The following HMCES variants were observed in gnomAD, a reference collection of about 807,000 sequenced individuals.
The protein encoded by HMCES is abasic site processing protein HMCES.
Under a neutral mutation model 35.1 loss-of-function variants are expected in HMCES, and 27 were observed. The ratio of observed to expected loss-of-function variants is 0.77; its 90% confidence interval spans 0.57 to 1.06. The LOEUF (loss-of-function observed/expected upper bound fraction) is 1.06, where lower values mean the gene tolerates loss of function less well. HMCES is among the 50% of genes least tolerant of loss of function. The pLI is 0.00. For synonymous variants in HMCES, 130 were observed against 154.7 expected (o/e 0.84, Z 1.18); for missense variants, 391 against 430.4 (o/e 0.91, Z 0.81).
intron 3 of HMCES, 107 bp from the exon 4 acceptor site, chr3:129,290,571 AC>A: frequency 8.2e-7 from 1 of 1,219,056 alleles, no homozygotes; most frequent in Non-Finnish European, 1.2e-6. Flanking sequence ...GCCGTGAGCC[AC>A]CCGCCTGGCC....
intron 5 of HMCES, among the ~76,000 whole-genome samples, chr3:129,299,620 A>G (rs1195414288): frequency 7.6e-6 from 1 of 132,424 alleles, no homozygotes; most frequent in East Asian, 2.3e-4. Context: ...TTATTTATAT[A>G]TTTTTTGTAT....
Position 129,298,487 on chromosome 3 carries a change from C to G in HMCES, c.587C>G (p.Thr196Ser), listed in dbSNP as rs778125867. The G allele has an allele frequency of 1.2e-6, 2 of 1,614,128 alleles. No individual in the cohort carries two copies. Among genetic ancestry groups the G allele is most frequent in the Non-Finnish European group, 1.7e-6 (2 of 1,180,018 alleles). Residue 196 changes from threonine (T) to serine (S), a missense_variant, in exon 5 of 7, where the codon ACC becomes AGC. Transcript: ENST00000383463. ...PEGGDVLYSY[T>S]IITVDSCKGL... The stretch of plus-strand genomic sequence containing the variant: ...GGAGGAGATGTCCTGTATTCCTATA[C>G]CATCATCACAGTGGATTCCTGCAAA...
intron 4 of HMCES, among the ~76,000 whole-genome samples, chr3:129,297,312 G>GTCTT (rs1482427484): frequency 6.6e-6 from 1 of 152,082 alleles, no homozygotes; most frequent in Non-Finnish European, 1.5e-5. Context: ...CTCTGACTCA[G>GTCTT]TCTTCCCCAG....
At chr3:129,301,911 G>C (rs2071173325) in intron 5 of HMCES, 39 bp from the exon 6 acceptor site, 1 of 1,522,996 alleles carries the variant, frequency 6.6e-7, no homozygotes, top group Admixed American at 1.8e-5. Context: ...TTATTCTCAT[G>C]CTACCTCTCC....
rs751798055 is a variant in HMCES, at chr3:129,304,799, G to A, written c.1039G>A (p.Val347Met). The A allele has an allele frequency of 1.2e-6, 2 of 1,614,172 alleles. No homozygotes were observed. Among genetic ancestry groups the A allele is most frequent in the Non-Finnish European group, 1.7e-6 (2 of 1,180,020 alleles). ...WLKREKEEEP[V>M]AKRPYSQ ...GAAGCGGGAGAAGGAGGAGGAACCT[G>A]TGGCCAAGCGTCCTTACAGCCAGTG... is the stretch of plus-strand genomic sequence containing the variant. The change falls in exon 7 of 7, where the codon GTG becomes ATG. Residue 347 changes from valine (V) to methionine (M), a missense_variant. Val to Met is a conservative substitution (Grantham distance 21). Coordinates refer to ENST00000383463, the MANE Select transcript of HMCES (RefSeq NM_020187.3).
Position 129,305,642 on chromosome 3 carries a change from C to T in HMCES, c.*817C>T, listed in dbSNP as rs1395105316. Reference sequence around the variant, plus strand: ...TAAGGGAGGCATTCACAAAAGCTGTCCCAAGCAGCTGGAAGAAAACAGCTT... The same window carrying T: ...TAAGGGAGGCATTCACAAAAGCTGTTCCAAGCAGCTGGAAGAAAACAGCTT... On this transcript the variant is annotated 3_prime_UTR_variant, in exon 7 of 7. Transcript: ENST00000383463. The T allele has an allele frequency of 6.6e-6, 1 of 152,204 alleles. No homozygotes were observed. The highest frequency in any genetic ancestry group is 1.5e-5 in the Non-Finnish European group (1 of 68,060). 9.4% of individuals were successfully genotyped at this position (152,204 alleles called of 1,614,324 possible). A position where few individuals can be genotyped will look rare whatever the true frequency, so the allele number is the denominator to read the frequency against.
intron 4 of HMCES, among the ~76,000 whole-genome samples, chr3:129,293,948 T>C (rs987558659): frequency 6.6e-6 from 1 of 152,218 alleles, no homozygotes; most frequent in Non-Finnish European, 1.5e-5. Context: ...AATTTGTGTT[T>C]AGAACATTTA....
At chr3:129,285,707 A>C (rs1036546332) in intron 2 of HMCES, among the ~76,000 whole-genome samples, 11 of 151,010 alleles carry the variant, frequency 7.3e-5, no homozygotes, top group Non-Finnish European at 1.2e-4. Context: ...CCTGCCTCCC[A>C]AAGTGCTAGG....
At chr3:129,288,558 G>C (rs1223848608) in intron 2 of HMCES, among the ~76,000 whole-genome samples, 4 of 91,174 alleles carry the variant, frequency 4.4e-5, no homozygotes, top group African/African-American at 1.3e-4. Flanking sequence ...AGCTGGGTAT[G>C]GGGGGGCGTG....
Position 129,302,593 on chromosome 3 carries a change from A to G in HMCES, c.828+451A>G, listed in dbSNP as rs1576995624. 1.2e-4 allele frequency among the ~76,000 whole-genome samples: 19 copies of G among 152,224 alleles called. No individual in the cohort carries two copies. In the South Asian group the frequency reaches 3.9e-3, roughly 32 times the overall value. The stretch of plus-strand genomic sequence containing the variant: ...CTGGGTGTGGTGGCCCGTCCCAAGT[A>G]GTGATCCCAGCTACTTGGGAGGCTG... On this transcript the variant is annotated intron_variant, in intron 6 of 6. Transcript: ENST00000383463.
chr3:129,298,671 C>A, intron 5 of HMCES, 136 bp downstream of exon 5: 1 of 710,736 alleles, frequency 1.4e-6, no homozygotes, highest in Non-Finnish European at 2.3e-6. Context: ...TCTAACATGA[C>A]ATACATTCCT....
At chr3:129,289,410 T>C (rs947241887) in intron 3 of HMCES, among the ~76,000 whole-genome samples, 3 of 152,200 alleles carry the variant, frequency 2.0e-5, no homozygotes. Context: ...TCTGTTACGG[T>C]GACTCATTTA....
At chr3:129,291,935 A>T (rs1474319180) in intron 4 of HMCES, among the ~76,000 whole-genome samples, 5 of 152,104 alleles carry the variant, frequency 3.3e-5, no homozygotes, top group Non-Finnish European at 7.4e-5. Flanking sequence ...TACCAAAAAT[A>T]CAAAAAATTA....
chr3:129,279,786 C>T lies in HMCES; in HGVS notation c.54C>T (p.Cys18=), dbSNP rs141220340. The T allele has an allele frequency of 1.0e-4, 161 of 1,613,590 alleles. No individual in the cohort carries two copies. Among genetic ancestry groups the T allele is most frequent in the Non-Finnish European group, 1.3e-4 (154 of 1,179,798 alleles). The change falls in exon 2 of 7, where the codon TGC becomes TGT. Residue 18 remains cysteine (C), a synonymous_variant. Coordinates refer to ENST00000383463, the MANE Select transcript of HMCES (RefSeq NM_020187.3). The surrounding 1 kb of genome is among the most constrained non-coding windows in gnomAD (Gnocchi z 4.2). ...CTAGAGATGTTCTCACGAGAGCTTG[C>T]GCCTACCAGGATCGGCGGGGCCAGC... is the stretch of plus-strand genomic sequence containing the variant. ...HLPRDVLTRA[C]AYQDRRGQQR... is the part of the protein sequence containing the mutation.
rs375669857 is a variant in HMCES, at chr3:129,288,884, C to T, written c.214C>T (p.Pro72Ser). ...AGACTCATCTGAGCGTATCATTGCT[C>T]CCATGCGCTGGGGCTTGGTCCCTTC... Reference protein sequence around the residue: ...DADSSERIIAPMRWGLVPSWF... With the variant: ...DADSSERIIASMRWGLVPSWF... The change falls in exon 3 of 7, where the codon CCC (proline) becomes TCC (serine). Residue 72 changes from proline (P) to serine (S), a missense_variant. Transcript: ENST00000383463. The T allele has an allele frequency of 4.4e-6, 7 of 1,589,266 alleles. No individual in the cohort carries two copies. The highest frequency in any genetic ancestry group is 6.0e-6 in the Non-Finnish European group (7 of 1,160,512).
At chr3:129,282,295 C>CAAAA (rs201242976) in intron 2 of HMCES, among the ~76,000 whole-genome samples, 1,059 of 90,972 alleles carry the variant, frequency 0.012, 29 homozygotes, top group African/African-American at 0.035. Flanking sequence ...CTGTTTTTAA[C>CAAAA]AAAAAAAAAA....
intron 4 of HMCES, among the ~76,000 whole-genome samples, chr3:129,295,990 G>A (rs1274673298): frequency 1.3e-5 from 2 of 151,918 alleles, no homozygotes; most frequent in African/African-American, 2.4e-5. Context: ...TTGTACCATC[G>A]TTCTTGGATA....
chr3:129,292,315 G>T lies in HMCES; in HGVS notation c.453+1511G>T, dbSNP rs2071028698. ...CTGGAAATAGTGTTACCGAGTAAAA[G>T]GGACTTGCTACCCAATGTGCTAGAA... On this transcript the variant is annotated intron_variant, in intron 4 of 6. Transcript: ENST00000383463. Among the ~76,000 whole-genome samples, 3 of 151,200 alleles carry T rather than the reference G, an allele frequency of 2.0e-5. No homozygotes were observed. The South Asian group carries it at 6.3e-4, about 32-fold the overall frequency.
At chr3:129,299,963 T>C (rs1000000572) in intron 5 of HMCES, among the ~76,000 whole-genome samples, 1 of 148,352 alleles carries the variant, frequency 6.7e-6, no homozygotes, top group Non-Finnish European at 1.5e-5. Context: ...GCCATGGTCA[T>C]TTTTTTTTTG....
Sources: gnomAD v4.1 joint callset for allele counts (sites outside exome capture counted in the v4.1 genomes callset) on GRCh38, gnomAD v4.1.1 for gene constraint, Gnocchi (gnomAD v3.1) non-coding constraint, MANE v1.5 for transcripts, NCBI Gene and HGNC (gene_info 2026-07-23, HGNC 2026-07-21) for gene names.